The following CEP128 variants were observed in gnomAD, a reference collection of about 807,000 sequenced individuals.
The protein encoded by CEP128 is centrosomal protein 128kDa.
In CEP128, 132 loss-of-function variants were observed where a neutral mutation model predicts 156.7. The ratio of observed to expected loss-of-function variants is 0.84; its 90% confidence interval spans 0.73 to 0.97. The LOEUF is 0.97. CEP128 is among the 50% of genes least tolerant of loss of function. The probability of loss-of-function intolerance (pLI) is 0.00; values close to 1 mark genes in which losing one functional copy is unlikely to be tolerated. For missense variants in CEP128, 1,252 were observed against 1,281.9 expected, an observed-to-expected ratio of 0.98 and a Z score of 0.36; for synonymous variants, 469 against 448.9, an observed-to-expected ratio of 1.04 and a Z score of -0.57.
chr14:80,538,019 C>A lies in CEP128; in HGVS notation c.2881-7133G>T, dbSNP rs144711469. Among the ~76,000 whole-genome samples, 75 of 152,238 alleles carry A rather than the reference C, an allele frequency of 4.9e-4. 1 individual carries two copies. The highest frequency in any genetic ancestry group is 1.5e-3 in the African/African-American group (64 of 41,544). On this transcript the variant is annotated intron_variant, in intron 21 of 24. Coordinates refer to ENST00000555265, the MANE Select transcript of CEP128 (RefSeq NM_152446.5). Reference sequence around the variant, plus strand: ...AATATTAATGGTCTTTATTATTCTACGCCCACAGAACAATACATTCACATT... The same window carrying A: ...AATATTAATGGTCTTTATTATTCTAAGCCCACAGAACAATACATTCACATT...
chr14:80,545,343 A>G (rs1191646051), intron 21 of CEP128, among the ~76,000 whole-genome samples: 2 of 152,210 alleles, frequency 1.3e-5, no homozygotes, highest in Admixed American at 6.5e-5. Context: ...GAAAAATTAG[A>G]AAAGGAAGAT....
At chr14:80,947,070 C>A (rs1243364507) in intron 2 of CEP128, among the ~76,000 whole-genome samples, 5 of 152,162 alleles carry the variant, frequency 3.3e-5, no homozygotes, top group Non-Finnish European at 7.3e-5. Context: ...TGAGGCCTCC[C>A]TAACCGTGCT....
chr14:80,846,862 T>C (rs573194528), intron 9 of CEP128, among the ~76,000 whole-genome samples: 2 of 152,332 alleles, frequency 1.3e-5, no homozygotes, highest in South Asian at 4.1e-4. Context: ...ACTTCTGTGA[T>C]GTAGAATACA....
chr14:80,733,390 G>GTATT (rs1898377216), intron 19 of CEP128, among the ~76,000 whole-genome samples: 7 of 149,586 alleles, frequency 4.7e-5, no homozygotes, highest in Admixed American at 4.7e-4. Context: ...GTGTATTTGT[G>GTATT]TGTCTGTGAA....
chr14:80,885,989 C>T (rs1888779125), intron 8 of CEP128, among the ~76,000 whole-genome samples: 1 of 151,868 alleles, frequency 6.6e-6, no homozygotes, highest in African/African-American at 2.4e-5. Flanking sequence ...GCATAGACAA[C>T]TATCAATAGC....
At chr14:80,924,386 C>T (rs192540421) in intron 2 of CEP128, among the ~76,000 whole-genome samples, 1 of 152,112 alleles carries the variant, frequency 6.6e-6, no homozygotes, top group African/African-American at 2.4e-5. Flanking sequence ...GAAACAGAAT[C>T]AGATACTTAA....
intron 13 of CEP128, among the ~76,000 whole-genome samples, chr14:80,811,818 T>TTAGGTAGATAGATAGATAGA: frequency 6.7e-6 from 1 of 149,632 alleles, no homozygotes; most frequent in South Asian, 2.2e-4. Flanking sequence ...CACGCATGTA[T>TTAGGTAGATAGATAGATAGA]TAGATAGATA....
At chr14:80,765,423 T>C (rs1001468555) in intron 16 of CEP128, among the ~76,000 whole-genome samples, 2 of 152,182 alleles carry the variant, frequency 1.3e-5, no homozygotes, top group African/African-American at 4.8e-5. Context: ...TGATAATATT[T>C]AGGCACTATT....
At chr14:80,764,504 T>TC (rs1900140137) in intron 16 of CEP128, among the ~76,000 whole-genome samples, 1 of 141,584 alleles carries the variant, frequency 7.1e-6, no homozygotes, top group Admixed American at 7.2e-5. Context: ...AGACTCCGTC[T>TC]CAAAAAAAAA....
At chr14:80,617,910 A>T (rs1021748157) in intron 19 of CEP128, among the ~76,000 whole-genome samples, 2 of 152,238 alleles carry the variant, frequency 1.3e-5, no homozygotes, top group African/African-American at 4.8e-5. Flanking sequence ...ATGGGTTCAA[A>T]TCCCACTTCA....
intron 2 of CEP128, among the ~76,000 whole-genome samples, chr14:80,919,923 T>C (rs994480292): frequency 5.9e-5 from 9 of 152,182 alleles, no homozygotes; most frequent in African/African-American, 2.2e-4. Flanking sequence ...TGGAACTCCT[T>C]CAGAGACATC....
chr14:80,671,700 T>A (rs1158937743), intron 19 of CEP128, among the ~76,000 whole-genome samples: 1 of 152,196 alleles, frequency 6.6e-6, no homozygotes, highest in Admixed American at 6.5e-5. Flanking sequence ...TTCACCACTC[T>A]TTTTGCAAGC....
chr14:80,629,319 T>A (rs1391747670), intron 19 of CEP128, among the ~76,000 whole-genome samples: 1 of 152,158 alleles, frequency 6.6e-6, no homozygotes, highest in African/African-American at 2.4e-5. Context: ...TGAAGAGTTG[T>A]AGTGAAGATT....
At chr14:80,734,963 C>G (rs1365303379) in intron 19 of CEP128, among the ~76,000 whole-genome samples, 1 of 151,844 alleles carries the variant, frequency 6.6e-6, no homozygotes, top group East Asian at 1.9e-4. Context: ...TTGCTTCTCC[C>G]AAGCAGTTTC....
chr14:80,881,966 C>T (rs1888572695), intron 8 of CEP128, among the ~76,000 whole-genome samples: 1 of 152,114 alleles, frequency 6.6e-6, no homozygotes, highest in African/African-American at 2.4e-5. Flanking sequence ...GACAAGAATG[C>T]CCACTTTCAC....
chr14:80,882,689 G>A (rs1888608799), intron 8 of CEP128, among the ~76,000 whole-genome samples: 2 of 148,684 alleles, frequency 1.3e-5, no homozygotes, highest in Admixed American at 1.3e-4. Flanking sequence ...CAGATGAATG[G>A]ATAAAGAAAA....
intron 13 of CEP128, among the ~76,000 whole-genome samples, chr14:80,807,238 C>T (rs1286367621): frequency 6.6e-6 from 1 of 152,132 alleles, no homozygotes; most frequent in Admixed American, 6.5e-5. Flanking sequence ...ACTAAGAATT[C>T]AAGACATGGC....
chr14:80,707,172 CTGTTA>C (rs1566868597), intron 19 of CEP128, among the ~76,000 whole-genome samples: 1 of 152,036 alleles, frequency 6.6e-6, no homozygotes, highest in African/African-American at 2.4e-5. Flanking sequence ...TAGACATTGT[CTGTTA>C]TGTTATGAGA....
chr14:80,899,714 G>T (rs1358594473), intron 7 of CEP128, among the ~76,000 whole-genome samples: 1 of 152,064 alleles, frequency 6.6e-6, no homozygotes, highest in Non-Finnish European at 1.5e-5. Flanking sequence ...GCATTCCATT[G>T]TATTAAGTTA....
Sources: allele counts gnomAD v4.1 joint callset (sites outside exome capture counted in the v4.1 genomes callset), GRCh38; gene constraint gnomAD v4.1.1; transcripts MANE v1.5; gene names NCBI Gene and HGNC (gene_info 2026-07-23, HGNC 2026-07-21).